TSC22D1: variants seen among roughly 807,000 people sequenced by gnomAD.
TSC22D1 encodes TSC22 domain family member 1.
In TSC22D1, 9 loss-of-function variants were observed where a neutral mutation model predicts 74.2. That is an observed-to-expected ratio of 0.12 (90% confidence interval 0.07 to 0.21). The LOEUF is 0.21. Among genes scored for constraint, TSC22D1 ranks in the 10% least tolerant of loss-of-function variants. TSC22D1 has a pLI of 1.00. For synonymous variants in TSC22D1, 586 were observed against 492.5 expected (o/e 1.19, Z -2.51); for missense variants, 1,427 against 1,304.7 (o/e 1.09, Z -1.44).
chr13:44,573,280 C>G lies in TSC22D1; in HGVS notation c.2795G>C (p.Ser932Thr). ...ATCTGAAACTGCTGACATTCCCCCA[C>G]TGTCACCACTGATAGTCTGAGGTAA... ...VGLPQTISGDSGGMSAVSDGS... is the reference protein window; with the variant it reads ...VGLPQTISGDTGGMSAVSDGS... The change falls in exon 1 of 3, where the codon AGT (serine) becomes ACT (threonine). Residue 932 changes from serine (S) to threonine (T), a missense_variant. Transcript: ENST00000458659. 6.2e-7 allele frequency: 1 copy of G among 1,614,258 alleles called. No individual in the cohort carries two copies. The highest frequency in any genetic ancestry group is 8.5e-7 in the Non-Finnish European group (1 of 1,180,044).
intron 1 of TSC22D1, among the ~76,000 whole-genome samples, chr13:44,501,535 G>A (rs1212466442): frequency 6.6e-6 from 1 of 151,626 alleles, no homozygotes; most frequent in Non-Finnish European, 1.5e-5. Flanking sequence ...TCCTTCCTAA[G>A]GGCACACTTG....
At chr13:44,551,963 A>G (rs573193932) in intron 1 of TSC22D1, among the ~76,000 whole-genome samples, 1 of 152,340 alleles carries the variant, frequency 6.6e-6, no homozygotes, top group African/African-American at 2.4e-5. Flanking sequence ...TATTTGGCAC[A>G]GTAGTAAGAG....
intron 1 of TSC22D1, among the ~76,000 whole-genome samples, chr13:44,454,717 A>G (rs1876428134): frequency 6.6e-6 from 1 of 152,184 alleles, no homozygotes; most frequent in Non-Finnish European, 1.5e-5. Flanking sequence ...AATCCTTTAA[A>G]TAACCACCTC....
At chr13:44,473,030 G>A (rs1175947773) in intron 1 of TSC22D1, among the ~76,000 whole-genome samples, 4 of 152,180 alleles carry the variant, frequency 2.6e-5, no homozygotes, top group Admixed American at 2.6e-4. Flanking sequence ...GATGGCAGTA[G>A]GCAAAGAGAG....
chr13:44,506,814 G>A (rs1394683185), intron 1 of TSC22D1, among the ~76,000 whole-genome samples: 2 of 152,142 alleles, frequency 1.3e-5, no homozygotes. Flanking sequence ...AGGTCATACA[G>A]CCTGGACTAC....
intron 1 of TSC22D1, chr13:44,539,912 A>G (rs1050880188): frequency 2.3e-6 from 3 of 1,289,602 alleles, no homozygotes; most frequent in Admixed American, 2.3e-5. Context: ...CACCTCTGGT[A>G]GGAGAGAAGC....
At chr13:44,447,836 T>TTC (rs1555263931) in intron 1 of TSC22D1, among the ~76,000 whole-genome samples, 6 of 148,188 alleles carry the variant, frequency 4.0e-5, no homozygotes, top group South Asian at 4.2e-4. Context: ...GCCTTTTCTT[T>TTC]TTTTTTTTTT....
Position 44,574,427 on chromosome 13 carries a change from G to T in TSC22D1, c.1648C>A (p.Gln550Lys), listed in dbSNP as rs568257669. ...TGCTGATAGCTCAGTTCTTGAGACT[G>T]TAATTGTACTTGTGAGATCTGTGAC... is the stretch of plus-strand genomic sequence containing the variant. ...SQSQISQVQLQSQELSYQQKQ... is the reference protein window; with the variant it reads ...SQSQISQVQLKSQELSYQQKQ... Residue 550 changes from glutamine (Q) to lysine (K), a missense_variant, in exon 1 of 3, where the codon CAG (glutamine) becomes AAG (lysine). This residue lies in a region of TSC22D1 where 1,343 missense variants were observed against 1,191.5 expected (regional missense o/e 1.13). Coordinates refer to ENST00000458659, the MANE Select transcript of TSC22D1 (RefSeq NM_183422.4). 2.5e-6 allele frequency: 4 copies of T among 1,614,224 alleles called. No homozygotes were observed. In the East Asian group the frequency reaches 8.9e-5, roughly 36 times the overall value.
intron 1 of TSC22D1, among the ~76,000 whole-genome samples, chr13:44,557,597 G>A (rs1276606391): frequency 3.3e-5 from 5 of 152,130 alleles, no homozygotes; most frequent in Non-Finnish European, 5.9e-5. Flanking sequence ...GAGTTCACAG[G>A]AAAATTATCA....
intron 1 of TSC22D1, among the ~76,000 whole-genome samples, chr13:44,553,843 G>A (rs180848257): frequency 6.6e-6 from 1 of 152,278 alleles, no homozygotes; most frequent in African/African-American, 2.4e-5. Context: ...TGTATGTAAT[G>A]AATTCGCTAT....
chr13:44,508,544 C>G (rs1479005009), intron 1 of TSC22D1, among the ~76,000 whole-genome samples: 1 of 152,142 alleles, frequency 6.6e-6, no homozygotes. Context: ...CCAGCTTCCA[C>G]TCTTATTCCT....
At position 44,435,866 on chromosome 13, in the gene TSC22D1, C is replaced by T. The variant is rs1874561728; in HGVS notation, c.2964+178G>A. 3 of 689,634 alleles carry T rather than the reference C, an allele frequency of 4.4e-6. No individual in the cohort carries two copies. The South Asian group carries it at 5.1e-5, about 12-fold the overall frequency. The allele number at this position is 689,634 out of a possible 1,614,324, so 42.7% of individuals were successfully genotyped here. ...TAATACCCGCAGGGCCCCTTTCTCC[C>T]TCCACGGCTGCCGTGGTAGGTGGCT... On this transcript the variant is annotated intron_variant, in intron 2 of 2. Transcript: ENST00000458659.
intron 1 of TSC22D1, among the ~76,000 whole-genome samples, chr13:44,547,798 A>G (rs1187834943): frequency 6.6e-6 from 1 of 152,126 alleles, no homozygotes; most frequent in African/African-American, 2.4e-5. Context: ...AAAAAAAGAG[A>G]AACAAGGTCT....
rs763271839 is a variant in TSC22D1 at position 44,573,516 on chromosome 13, T to C, written c.2559A>G (p.Pro853=). ...GMPSAPTNLV[P]PQNIAQTPAT... ...CAGGGGTTTGTGCTATATTTTGTGGTGGAACCAAGTTTGTTGGGGCAGAAG... is the reference window on the plus strand; with the variant it reads ...CAGGGGTTTGTGCTATATTTTGTGGCGGAACCAAGTTTGTTGGGGCAGAAG... Residue 853 remains proline, a synonymous_variant, in exon 1 of 3, where the codon CCA becomes CCG. Transcript: ENST00000458659. 2 of 1,614,098 alleles carry C rather than the reference T, an allele frequency of 1.2e-6. 1 individual carries two copies. The highest frequency in any genetic ancestry group is 2.7e-5 in the African/African-American group (2 of 74,938).
At chr13:44,551,982 A>G (rs1882312264) in intron 1 of TSC22D1, among the ~76,000 whole-genome samples, 1 of 152,180 alleles carries the variant, frequency 6.6e-6, no homozygotes, top group Admixed American at 6.5e-5. Flanking sequence ...AGCAGACACC[A>G]TTTACGAACG....
chr13:44,572,739 A>G (rs1883853925), intron 1 of TSC22D1, among the ~76,000 whole-genome samples: 1 of 152,266 alleles, frequency 6.6e-6, no homozygotes, highest in Non-Finnish European at 1.5e-5. Context: ...CAAACACAGT[A>G]GAAATGAAAA....
chr13:44,544,356 C>T (rs1387545977), intron 1 of TSC22D1, among the ~76,000 whole-genome samples: 1 of 127,968 alleles, frequency 7.8e-6, no homozygotes, highest in South Asian at 2.5e-4. Flanking sequence ...AACAAAAAGG[C>T]AAAAAAAAAA....
intron 1 of TSC22D1, chr13:44,516,311 AC>A: frequency 4.3e-6 from 2 of 470,152 alleles, no homozygotes; most frequent in Middle Eastern, 6.7e-4. Context: ...GCTCCCCTCT[AC>A]CACAGGTTAC....
At chr13:44,446,588 A>G (rs754866849) in intron 1 of TSC22D1, among the ~76,000 whole-genome samples, 2 of 152,198 alleles carry the variant, frequency 1.3e-5, no homozygotes, top group South Asian at 2.1e-4. Context: ...TCAGCATCAC[A>G]TAACATACCC....
Sources: allele counts gnomAD v4.1 joint callset (sites outside exome capture counted in the v4.1 genomes callset), GRCh38; gene constraint gnomAD v4.1.1; regional missense constraint gnomAD v4.1.1; transcripts MANE v1.5; gene names NCBI Gene and HGNC (gene_info 2026-07-23, HGNC 2026-07-21).